SYT2: variants seen among roughly 807,000 people sequenced by gnomAD.
SYT2 encodes the protein synaptotagmin-2.
SYT2 carries 15 observed loss-of-function variants against 39.9 expected under a neutral mutation model. That is an observed-to-expected ratio of 0.38 (90% confidence interval 0.25 to 0.58). The LOEUF (loss-of-function observed/expected upper bound fraction) is 0.58, where lower values mean the gene tolerates loss of function less well. SYT2 is among the 20% of genes least tolerant of loss of function. The pLI is 0.70. For missense variants in SYT2, 389 were observed against 530.3 expected, an observed-to-expected ratio of 0.73 and a Z score of 2.62; for synonymous variants, 181 against 204.5, an observed-to-expected ratio of 0.89 and a Z score of 0.98.
chr1:202,601,602 T>A lies in SYT2; in HGVS notation c.801+288A>T, dbSNP rs1476476216. On this transcript the variant is annotated intron_variant, in intron 6 of 8. Transcript: ENST00000367268. This position sits in a 1 kb window ranked among gnomAD's most constrained non-coding sequence, Gnocchi z 4.0. ...AATAGCAGAAGCTTAGGAGTAACAA[T>A]AATAATGGTGTTTTTATTTATTTGA... Among the ~76,000 whole-genome samples, 1 of 152,148 alleles carries A rather than the reference T, an allele frequency of 6.6e-6. No individual in the cohort carries two copies. The highest frequency in any genetic ancestry group is 1.5e-5 in the Non-Finnish European group (1 of 68,014).
At chr1:202,649,965 T>C (rs1692160332) in intron 1 of SYT2, among the ~76,000 whole-genome samples, 1 of 152,224 alleles carries the variant, frequency 6.6e-6, no homozygotes, top group Non-Finnish European at 1.5e-5. Flanking sequence ...AGCTCCAGTC[T>C]TCCCTGCACA....
At chr1:202,597,824 G>C (rs1690353473) in intron 8 of SYT2, among the ~76,000 whole-genome samples, 1 of 152,162 alleles carries the variant, frequency 6.6e-6, no homozygotes, top group African/African-American at 2.4e-5. Context: ...GGGACAGTGG[G>C]GATGGGAAGT....
At chr1:202,642,635 A>T (rs113785588) in intron 1 of SYT2, among the ~76,000 whole-genome samples, 1,554 of 152,334 alleles carry the variant, frequency 0.01, 30 homozygotes, top group African/African-American at 0.036. Context: ...GCAGCCGCTC[A>T]TCTCAACCCT....
At chr1:202,678,669 C>G (rs1653446704) in intron 1 of SYT2, among the ~76,000 whole-genome samples, 1 of 152,106 alleles carries the variant, frequency 6.6e-6, no homozygotes, top group Non-Finnish European at 1.5e-5. Context: ...CTTCACTTAA[C>G]CCCTCCTGCC....
intron 1 of SYT2, among the ~76,000 whole-genome samples, chr1:202,666,692 A>C (rs925071221): frequency 6.6e-6 from 1 of 152,174 alleles, no homozygotes; most frequent in African/African-American, 2.4e-5. Flanking sequence ...TGTTTGAAAG[A>C]CCTAGAAGGC....
intron 1 of SYT2, among the ~76,000 whole-genome samples, chr1:202,611,604 C>T (rs1690885971): frequency 1.3e-5 from 2 of 152,212 alleles, no homozygotes; most frequent in African/African-American, 4.8e-5. Flanking sequence ...GATCTGGCCT[C>T]CTCGGCCTCC....
At chr1:202,706,979 C>T (rs1654268566) in intron 1 of SYT2, among the ~76,000 whole-genome samples, 1 of 152,228 alleles carries the variant, frequency 6.6e-6, no homozygotes, top group East Asian at 1.9e-4. Flanking sequence ...CTCGAAGCTT[C>T]CTACATACCT....
rs1691791246 is a variant in SYT2, at chr1:202,638,084, T to A, written c.-17-32295A>T. On this transcript the variant is annotated intron_variant, in intron 1 of 8. Coordinates refer to ENST00000367268, the MANE Select transcript of SYT2 (RefSeq NM_177402.5). ...GCTGCAGTACAGCCACATTACCTTC[T>A]ACTAGAAACCCTTCTGCTTCCAAAT... Among the ~76,000 whole-genome samples the A allele has an allele frequency of 1.3e-5, 2 of 152,248 alleles. 1 individual carries two copies. The highest frequency in any genetic ancestry group is 4.1e-4 in the South Asian group (2 of 4,832).
chr1:202,664,879 G>A (rs776861574), intron 1 of SYT2, among the ~76,000 whole-genome samples: 44 of 152,100 alleles, frequency 2.9e-4, no homozygotes, highest in Non-Finnish European at 6.0e-4. Flanking sequence ...GGGTCATCTC[G>A]AACTCCTGAC....
chr1:202,647,348 CAA>C (rs770298618), intron 1 of SYT2, among the ~76,000 whole-genome samples: 1 of 152,184 alleles, frequency 6.6e-6, no homozygotes. Context: ...AGAGGTGCCT[CAA>C]AGAGTACTTT....
intron 1 of SYT2, among the ~76,000 whole-genome samples, chr1:202,694,186 T>A (rs1653916542): frequency 6.6e-6 from 1 of 152,240 alleles, no homozygotes; most frequent in South Asian, 2.1e-4. Flanking sequence ...ATCAGAGTTT[T>A]ATGCATTTTC....
intron 1 of SYT2, among the ~76,000 whole-genome samples, chr1:202,629,877 G>C (rs1172461626): frequency 1.6e-5 from 2 of 124,798 alleles, no homozygotes; most frequent in Non-Finnish European, 3.6e-5. Context: ...TGGGGGGGGG[G>C]GGGTGGTACG....
chr1:202,601,765 T>G lies in SYT2; in HGVS notation c.801+125A>C. On this transcript the variant is annotated intron_variant, in intron 6 of 8. Coordinates refer to ENST00000367268, the MANE Select transcript of SYT2 (RefSeq NM_177402.5). The surrounding 1 kb of genome is among the most constrained non-coding windows in gnomAD (Gnocchi z 4.0). ...CCCAGGGTCACACAGCCAGGCAGTG[T>G]GGAGCTGGGATCCTAACACAGGTCG... The G allele has an allele frequency of 3.0e-6, 3 of 1,009,194 alleles. No homozygotes were observed. The highest frequency in any genetic ancestry group is 4.4e-6 in the Non-Finnish European group (3 of 674,554). The allele number at this position is 1,009,194 out of a possible 1,614,324, so 62.5% of individuals were successfully genotyped here. A position where few individuals can be genotyped will look rare whatever the true frequency, so the allele number is the denominator to read the frequency against.
At chr1:202,678,876 AC>A (rs1033818684) in intron 1 of SYT2, among the ~76,000 whole-genome samples, 1 of 151,672 alleles carries the variant, frequency 6.6e-6, no homozygotes, top group South Asian at 2.1e-4. Flanking sequence ...CAGAGTCTCC[AC>A]CCCCCACCCA....
rs1474520440 is a variant in SYT2, at chr1:202,596,571, G to A, written c.*186C>T. The A allele has an allele frequency of 3.3e-6, 2 of 601,490 alleles. No homozygotes were observed. The highest frequency in any genetic ancestry group is 2.1e-5 in the South Asian group (1 of 48,490). The allele number at this position is 601,490 out of a possible 1,614,324, so 37.3% of individuals were successfully genotyped here. A position where few individuals can be genotyped will look rare whatever the true frequency, so the allele number is the denominator to read the frequency against. On this transcript the variant is annotated 3_prime_UTR_variant, in exon 9 of 9. Coordinates refer to ENST00000367268, the MANE Select transcript of SYT2 (RefSeq NM_177402.5). The stretch of plus-strand genomic sequence containing the variant: ...CAGGCTTCTCTTTCACCTCTTAGGG[G>A]ACTCTCCTCACACAGCCATCAAAGG...
At chr1:202,687,236 T>C (rs1174815421) in intron 1 of SYT2, among the ~76,000 whole-genome samples, 1 of 151,676 alleles carries the variant, frequency 6.6e-6, no homozygotes, top group Non-Finnish European at 1.5e-5. Flanking sequence ...CTGAGTCCCC[T>C]CCCCCTACGA....
In SYT2 at chr1:202,593,473, G is replaced by C. The variant is rs1370237790; in HGVS notation, c.*3284C>G. 6.6e-6 allele frequency: 1 copy of C among 152,194 alleles called. No homozygotes were observed. Among genetic ancestry groups the C allele is most frequent in the East Asian group, 1.9e-4 (1 of 5,190 alleles). 9.4% of individuals were successfully genotyped at this position (152,194 alleles called of 1,614,324 possible). A position where few individuals can be genotyped will look rare whatever the true frequency, so the allele number is the denominator to read the frequency against. On this transcript the variant is annotated 3_prime_UTR_variant, in exon 9 of 9. Transcript: ENST00000367268. ...TCCCACACTGATTCTGCAGACACAA[G>C]TTATGTATGCTTTCCTAGGAAGAAA...
At chr1:202,600,219 G>C (rs1238970899) in intron 7 of SYT2, 138 bp downstream of exon 7, 3 of 730,862 alleles carry the variant, frequency 4.1e-6, no homozygotes, top group Non-Finnish European at 7.0e-6. Context: ...GGAAGCTAAG[G>C]CTCCCCCGCT....
chr1:202,623,140 C>A lies in SYT2; in HGVS notation c.-17-17351G>T, dbSNP rs1282801199. Among the ~76,000 whole-genome samples the A allele has an allele frequency of 1.3e-5, 2 of 152,182 alleles. No individual in the cohort carries two copies. The highest frequency in any genetic ancestry group is 2.4e-5 in the African/African-American group (1 of 41,434). On this transcript the variant is annotated intron_variant, in intron 1 of 8. Coordinates refer to ENST00000367268, the MANE Select transcript of SYT2 (RefSeq NM_177402.5). The surrounding 1 kb of genome is among the most constrained non-coding windows in gnomAD (Gnocchi z 4.2). ...GAGGGATGCCCCCGCCAGGCAAGCC[C>A]CTCAGCACACCCTCCGCTCTGCCAC...
Sources: gnomAD v4.1 joint callset for allele counts (sites outside exome capture counted in the v4.1 genomes callset) on GRCh38, gnomAD v4.1.1 for gene constraint, Gnocchi (gnomAD v3.1) non-coding constraint, MANE v1.5 for transcripts, NCBI Gene and HGNC (gene_info 2026-07-23, HGNC 2026-07-21) for gene names.